Variants in HSF2 observed in about 807,000 individuals in gnomAD.
The protein encoded by HSF2 is heat shock transcription factor 2, also known as heat shock factor protein 2.
Under a neutral mutation model 65.0 loss-of-function variants are expected in HSF2, and 21 were observed. The ratio of observed to expected loss-of-function variants is 0.32; its 90% CI spans 0.23 to 0.47. The LOEUF is 0.47. Among genes scored for constraint, HSF2 ranks in the 20% least tolerant of loss-of-function variants. The pLI, the probability that HSF2 is intolerant of heterozygous loss-of-function variation, is 1.00. For synonymous variants in HSF2, 225 were observed against 219.1 expected, an observed-to-expected ratio of 1.03 and a Z score of -0.24; for missense variants, 499 against 628.1, an observed-to-expected ratio of 0.79 and a Z score of 2.20.
At chr6:122,414,909 AC>A (rs1774089157) in intron 4 of HSF2, among the ~76,000 whole-genome samples, 1 of 152,178 alleles carries the variant, frequency 6.6e-6, no homozygotes, top group Non-Finnish European at 1.5e-5. Flanking sequence ...GAGCCACCGC[AC>A]CCAGCCCTAC....
In HSF2 at chr6:122,420,362, TTTA is replaced by T; in HGVS notation, c.681+146_681+148del. 4 of 592,784 alleles carry T rather than the reference TTTA, an allele frequency of 6.7e-6. No individual in the cohort carries two copies. In the South Asian group the frequency reaches 1.1e-4, roughly 17 times the overall value. 36.7% of individuals were successfully genotyped at this position (592,784 alleles called of 1,614,324 possible). A position where few individuals can be genotyped will look rare whatever the true frequency, so the allele number is the denominator to read the frequency against. ...ACAGCTTTGTTAAATTGTGACATTT[TTTA>T]TTATTTGCTTTAGATTATTGTAAGA... is the stretch of plus-strand genomic sequence containing the variant. On this transcript the variant is annotated intron_variant, in intron 7 of 12. Coordinates refer to ENST00000368455, the MANE Select transcript of HSF2 (RefSeq NM_004506.4).
rs1381666689 is a variant in HSF2 at position 122,431,443 on chromosome 6, G to A, written c.1244G>A (p.Gly415Glu). 1 of 1,551,034 alleles carries A rather than the reference G, an allele frequency of 6.4e-7. No individual in the cohort carries two copies. The highest frequency in any genetic ancestry group is 8.8e-7 in the Non-Finnish European group (1 of 1,139,602). ...TTTTTCTTTTAGTCTGAGAATAAAG[G>A]ATTAGAAACTACCAAGAACAATGTA... is the stretch of plus-strand genomic sequence containing the variant. The part of the protein sequence containing the change: ...YINNTKSENK[G>E]LETTKNNVVQ... Residue 415 changes from glycine to glutamate, a missense_variant, in exon 12 of 13, where the codon GGA becomes GAA. Physicochemically the swap from Gly to Glu is moderately conservative, Grantham distance 98 (BLOSUM62 -2). Transcript: ENST00000368455.
intron 1 of HSF2, among the ~76,000 whole-genome samples, chr6:122,401,478 G>A (rs1307128303): frequency 1.3e-5 from 2 of 152,158 alleles, no homozygotes; most frequent in Non-Finnish European, 2.9e-5. Context: ...CATGTCAGTG[G>A]TAGGCCTATT....
rs576222918 is a variant in HSF2, at chr6:122,400,167, T to C, written c.93+337T>C. 1.7e-3 allele frequency among the ~76,000 whole-genome samples: 258 copies of C among 152,236 alleles called. 1 individual carries two copies. Among genetic ancestry groups the C allele is most frequent in the African/African-American group, 5.9e-3 (244 of 41,558 alleles). On this transcript the variant is annotated intron_variant, in intron 1 of 12. Transcript: ENST00000368455. ...GGCGAGCCGAGGGCGCGGGAGCCTC[T>C]TTACTGCACACTCATCCTCCGTCCT...
intron 4 of HSF2, among the ~76,000 whole-genome samples, chr6:122,413,975 A>G (rs58224266): frequency 1.4e-3 from 211 of 152,246 alleles, no homozygotes; most frequent in African/African-American, 4.9e-3. Flanking sequence ...GTTAGCTCAT[A>G]TGGTGCTCAT....
chr6:122,406,277 G>T (rs1200334466), intron 1 of HSF2, among the ~76,000 whole-genome samples: 1 of 152,190 alleles, frequency 6.6e-6, no homozygotes, highest in Non-Finnish European at 1.5e-5. Context: ...GCCTCTCCAA[G>T]GAGACGATGT....
At chr6:122,403,238 C>T (rs1206947730) in intron 1 of HSF2, among the ~76,000 whole-genome samples, 2 of 152,030 alleles carry the variant, frequency 1.3e-5, no homozygotes, top group East Asian at 3.9e-4. Flanking sequence ...ATAATCTGAA[C>T]AATTGAAATT....
In HSF2 at chr6:122,401,217, G is replaced by T. The variant is rs1049047250; in HGVS notation, c.93+1387G>T. Among the ~76,000 whole-genome samples the T allele has an allele frequency of 2.0e-5, 3 of 152,156 alleles. No homozygotes were observed. The South Asian group carries it at 6.2e-4, about 31-fold the overall frequency. On this transcript the variant is annotated intron_variant, in intron 1 of 12. Transcript: ENST00000368455. The stretch of plus-strand genomic sequence containing the variant: ...AATGAATTCTGTACAATTGTACAAA[G>T]CTAGGTGAAAATAAGAAAGCCAGCC...
In HSF2 at chr6:122,422,136, C is replaced by T. The variant is rs375002450; in HGVS notation, c.682-14C>T. 8 of 1,548,130 alleles carry T rather than the reference C, an allele frequency of 5.2e-6. No individual in the cohort carries two copies. The African/African-American group carries it at 8.4e-5, about 16-fold the overall frequency. ...TTTTGATTTTTAGATATATTTTTCT[C>T]TCTGAATTTTTAGGTTCCACACAGT... On this transcript the variant is annotated splice_polypyrimidine_tract_variant and intron_variant, in intron 7 of 12. Transcript: ENST00000368455.
At position 122,412,003 on chromosome 6, in the gene HSF2, C is replaced by CT. The variant is rs528228446; in HGVS notation, c.94-360dup. Among the ~76,000 whole-genome samples the CT allele has an allele frequency of 2.1e-3, 309 of 148,582 alleles. 2 individuals carry two copies. The highest frequency in any genetic ancestry group is 6.9e-3 in the African/African-American group (282 of 40,592). On this transcript the variant is annotated intron_variant, in intron 1 of 12. Transcript: ENST00000368455. ...ATAAAATGGTACTTCCTCTCAAAAT[C>CT]TTTTTTTTTTATTTTGGTCTTAATT... is the stretch of plus-strand genomic sequence containing the variant.
At chr6:122,413,696 G>A (rs1209718287) in intron 4 of HSF2, 47 bp downstream of exon 4, 4 of 1,454,896 alleles carry the variant, frequency 2.7e-6, no homozygotes, top group Non-Finnish European at 3.8e-6. Flanking sequence ...AATTGGGTAT[G>A]TGTCTATGTG....
At position 122,413,143 on chromosome 6, in the gene HSF2, A is replaced by T. The variant is rs529247955; in HGVS notation, c.330+379A>T. On this transcript the variant is annotated intron_variant, in intron 3 of 12. Transcript: ENST00000368455. The stretch of plus-strand genomic sequence containing the variant: ...AAATAAGATATTTTACTAAATCTGT[A>T]AAAGGGGTGGACCATGAAAGAAAAT... Among the ~76,000 whole-genome samples the T allele has an allele frequency of 1.1e-4, 17 of 152,094 alleles. No individual in the cohort carries two copies. The South Asian group carries it at 3.5e-3, about 32-fold the overall frequency.
At chr6:122,405,843 T>C (rs929540282) in intron 1 of HSF2, among the ~76,000 whole-genome samples, 1 of 152,202 alleles carries the variant, frequency 6.6e-6, no homozygotes, top group Non-Finnish European at 1.5e-5. Flanking sequence ...TAAGAAAAAG[T>C]TTATAAATCC....
chr6:122,432,425 T>G lies in HSF2; in HGVS notation c.*205T>G. 1 of 493,394 alleles carries G rather than the reference T, an allele frequency of 2.0e-6. No individual in the cohort carries two copies. The highest frequency in any genetic ancestry group is 3.6e-6 in the Non-Finnish European group (1 of 278,596). 30.6% of individuals were successfully genotyped at this position (493,394 alleles called of 1,614,324 possible). The stretch of plus-strand genomic sequence containing the variant: ...ACTCAGCTGCATAGTTACGCAGATG[T>G]AATGCACATTATTGGCGTATCTTTA... On this transcript the variant is annotated 3_prime_UTR_variant, in exon 13 of 13. Coordinates refer to ENST00000368455, the MANE Select transcript of HSF2 (RefSeq NM_004506.4).
intron 1 of HSF2, among the ~76,000 whole-genome samples, chr6:122,407,692 T>C (rs2114424766): frequency 6.6e-6 from 1 of 152,312 alleles, no homozygotes; most frequent in Middle Eastern, 3.4e-3. Flanking sequence ...ATTTTAGTTG[T>C]CTAGCACCTT....
rs761032600 is a variant in HSF2, at chr6:122,431,448, G to C, written c.1249G>C (p.Glu417Gln). Residue 417 changes from glutamate (E) to glutamine (Q), a missense_variant, in exon 12 of 13, where the codon GAA (glutamate) becomes CAA (glutamine). Coordinates refer to ENST00000368455, the MANE Select transcript of HSF2 (RefSeq NM_004506.4). ...CTTTTAGTCTGAGAATAAAGGATTAGAAACTACCAAGAACAATGTAGTTCA... is the reference window on the plus strand; with the variant it reads ...CTTTTAGTCTGAGAATAAAGGATTACAAACTACCAAGAACAATGTAGTTCA... Reference protein sequence around the residue: ...NNTKSENKGLETTKNNVVQPV... With the variant: ...NNTKSENKGLQTTKNNVVQPV... 3.2e-6 allele frequency: 5 copies of C among 1,557,592 alleles called. No individual in the cohort carries two copies. In the South Asian group the frequency reaches 6.1e-5, roughly 19 times the overall value.
chr6:122,420,083 T>C, intron 6 of HSF2, 52 bp from the exon 7 acceptor site: 2 of 1,545,044 alleles, frequency 1.3e-6, no homozygotes, highest in Admixed American at 2.1e-5. Context: ...AGAGGGAGTT[T>C]AAATTCATTG....
chr6:122,404,891 A>C (rs1356843402), intron 1 of HSF2, among the ~76,000 whole-genome samples: 1 of 152,226 alleles, frequency 6.6e-6, no homozygotes, highest in Non-Finnish European at 1.5e-5. Context: ...TATGTGAGAG[A>C]GAGTGAGCAC....
At chr6:122,413,057 ATAG>A (rs1288238256) in intron 3 of HSF2, among the ~76,000 whole-genome samples, 4 of 152,056 alleles carry the variant, frequency 2.6e-5, no homozygotes, top group Non-Finnish European at 5.9e-5. Context: ...ATATGCCCAC[ATAG>A]TAGGCATTCA....
Sources: gnomAD v4.1 joint callset for allele counts (sites outside exome capture counted in the v4.1 genomes callset) on GRCh38, gnomAD v4.1.1 for gene constraint, MANE v1.5 for transcripts, NCBI Gene and HGNC (gene_info 2026-07-23, HGNC 2026-07-21) for gene names.